The following CHD3 variants were observed in gnomAD, a reference collection of about 807,000 sequenced individuals.
CHD3 encodes ATP-dependent chromatin remodeler CHD3.
CHD3 carries 52 observed loss-of-function variants against 248.9 expected under a neutral mutation model. The observed-to-expected ratio is 0.21, with a 90% CI of 0.17 to 0.26. CHD3 has a LOEUF of 0.26. Ranked by LOEUF, CHD3 falls within the 10% of genes least tolerant of loss-of-function variation. The pLI is 1.00. For synonymous variants in CHD3, 985 were observed against 985.2 expected, an observed-to-expected ratio of 1.00 and a Z score of 0.00; for missense variants, 1,482 against 2,605.8, an observed-to-expected ratio of 0.57 and a Z score of 9.39.
rs772056098 is a variant in CHD3, at chr17:7,909,304, G to A, written c.5556G>A (p.Ala1852=). 7 of 1,561,264 alleles carry A rather than the reference G, an allele frequency of 4.5e-6. No homozygotes were observed. The highest frequency in any genetic ancestry group is 1.2e-5 in the South Asian group (1 of 84,790). The change falls in exon 37 of 40, where the codon GCG becomes GCA. Residue 1852 remains alanine, a synonymous_variant. Coordinates refer to ENST00000330494, the MANE Select transcript of CHD3 (RefSeq NM_001005273.3). The surrounding 1 kb of genome is among the most constrained non-coding windows in gnomAD (Gnocchi z 8.1). ...SHQHLSKESL[A]GNKPANAVLH... ...AGCACCTCTCCAAGGAGTCGCTGGC[G>A]GGGAACAAGCCGGCCAACGCCGTCC...
Position 7,904,302 on chromosome 17 carries a change from AGAAAATGTATGCAGAGCCAC to A in CHD3, c.3895-136_3895-117del. On this transcript the variant is annotated intron_variant, in intron 24 of 39. Coordinates refer to ENST00000330494, the MANE Select transcript of CHD3 (RefSeq NM_001005273.3). This position sits in a 1 kb window ranked among gnomAD's most constrained non-coding sequence, Gnocchi z 4.4. ...ATGGCATGGAACATGCGCAATGTCCAGAAAATGTATGCAGAGCCACGAAGCTGCAGGAGTGGGGAGACCGG... is the reference window on the plus strand; with the variant it reads ...ATGGCATGGAACATGCGCAATGTCCAGAAGCTGCAGGAGTGGGGAGACCGG... The A allele has an allele frequency of 1.3e-6, 1 of 754,166 alleles. No individual in the cohort carries two copies. The highest frequency in any genetic ancestry group is 2.2e-6 in the Non-Finnish European group (1 of 454,852). 46.7% of individuals were successfully genotyped at this position (754,166 alleles called of 1,614,324 possible).
rs375174125 is a variant in CHD3, at chr17:7,894,304, C to T, written c.1075+39C>T. 9 of 1,598,900 alleles carry T rather than the reference C, an allele frequency of 5.6e-6. No homozygotes were observed. In the East Asian group the frequency reaches 1.3e-4, roughly 24 times the overall value. ...ACTGTGTGTGATCCTGTCAGTGGGC[C>T]GTCCTCTCATTCTTATTTTCAATTT... On this transcript the variant is annotated intron_variant, in intron 7 of 39. Coordinates refer to ENST00000330494, the MANE Select transcript of CHD3 (RefSeq NM_001005273.3).
rs763703157 is a variant in CHD3, at chr17:7,900,811, C to T, written c.2979-41C>T. 1.2e-6 allele frequency: 2 copies of T among 1,611,582 alleles called. No homozygotes were observed. Among genetic ancestry groups the T allele is most frequent in the Non-Finnish European group, 1.7e-6 (2 of 1,178,262 alleles). On this transcript the variant is annotated intron_variant, in intron 18 of 39. Coordinates refer to ENST00000330494, the MANE Select transcript of CHD3 (RefSeq NM_001005273.3). This position sits in a 1 kb window ranked among gnomAD's most constrained non-coding sequence, Gnocchi z 6.5. ...CCAAGTGCAATATCATAATTGCTTC[C>T]TTTATTTATGTTTCTTTTACACCCC... is the stretch of plus-strand genomic sequence containing the variant.
chr17:7,908,250 C>T lies in CHD3; in HGVS notation c.5153-152C>T, dbSNP rs951926359. Reference sequence around the variant, plus strand: ...TTAATTCTAACGAACCTGGTTAGAACTGAGTTTGTTCCAAACCTAACCTTT... The same window carrying T: ...TTAATTCTAACGAACCTGGTTAGAATTGAGTTTGTTCCAAACCTAACCTTT... On this transcript the variant is annotated intron_variant, in intron 34 of 39. Coordinates refer to ENST00000330494, the MANE Select transcript of CHD3 (RefSeq NM_001005273.3). The surrounding 1 kb of genome is among the most constrained non-coding windows in gnomAD (Gnocchi z 5.8). 9.4e-5 allele frequency: 77 copies of T among 821,502 alleles called. No individual in the cohort carries two copies. Among genetic ancestry groups the T allele is most frequent in the Admixed American group, 2.8e-4 (10 of 36,328 alleles). 50.9% of individuals were successfully genotyped at this position (821,502 alleles called of 1,614,324 possible). A position where few individuals can be genotyped will look rare whatever the true frequency, so the allele number is the denominator to read the frequency against.
In CHD3 at chr17:7,911,023, A is replaced by G; in HGVS notation, c.5881+50A>G. On this transcript the variant is annotated intron_variant, in intron 39 of 39. Transcript: ENST00000330494. This position sits in a 1 kb window ranked among gnomAD's most constrained non-coding sequence, Gnocchi z 5.4. The stretch of plus-strand genomic sequence containing the variant: ...TGCTACTCACACTCCTCCTTTGCCA[A>G]ACTTTATTTCTGCTCAGCTGCCCTT... 6 of 1,607,198 alleles carry G rather than the reference A, an allele frequency of 3.7e-6. No homozygotes were observed. Among genetic ancestry groups the G allele is most frequent in the Non-Finnish European group, 4.2e-6 (5 of 1,177,974 alleles).
rs966708419 is a variant in CHD3, at chr17:7,889,248, C to A, written c.100+148C>A. 25 of 1,003,960 alleles carry A rather than the reference C, an allele frequency of 2.5e-5. No individual in the cohort carries two copies. Among genetic ancestry groups the A allele is most frequent in the Non-Finnish European group, 3.3e-5 (23 of 687,854 alleles). 62.2% of individuals were successfully genotyped at this position (1,003,960 alleles called of 1,614,324 possible). A position where few individuals can be genotyped will look rare whatever the true frequency, so the allele number is the denominator to read the frequency against. ...AGGGAGCTGCCAGCTTGTGTCTCCC[C>A]ACTCCAAGTGCTGGGGTCAGGCCAG... is the stretch of plus-strand genomic sequence containing the variant. On this transcript the variant is annotated intron_variant, in intron 1 of 39. Transcript: ENST00000330494. The surrounding 1 kb of genome is among the most constrained non-coding windows in gnomAD (Gnocchi z 4.5).
rs749584438 is a variant in CHD3 at position 7,902,950 on chromosome 17, A to G, written c.3384A>G (p.Gln1128=). 20 of 1,613,998 alleles carry G rather than the reference A, an allele frequency of 1.2e-5. No homozygotes were observed. In the South Asian group the frequency reaches 1.9e-4, roughly 15 times the overall value. The change falls in exon 22 of 40, where the codon CAA becomes CAG. Residue 1128 remains glutamine (Q), a synonymous_variant. Coordinates refer to ENST00000330494, the MANE Select transcript of CHD3 (RefSeq NM_001005273.3). The part of the protein sequence containing the change: ...AIDRFNAPGA[Q]QFCFLLSTRA... ...CTCACCTCCTAGCTCCTGGGGCCCA[A>G]CAATTCTGCTTCCTCCTGTCCACCC...
Position 7,895,324 on chromosome 17 carries a change from G to A in CHD3, c.1504-15G>A, listed in dbSNP as rs758401528. On this transcript the variant is annotated splice_polypyrimidine_tract_variant and intron_variant, in intron 9 of 39. Coordinates refer to ENST00000330494, the MANE Select transcript of CHD3 (RefSeq NM_001005273.3). This position sits in a 1 kb window ranked among gnomAD's most constrained non-coding sequence, Gnocchi z 4.9. The stretch of plus-strand genomic sequence containing the variant: ...CCTCTTTCTTTCCTCCTCCTTGTAC[G>A]TGTCCATCCCAAAGTGCCCCGTGCT... 46 of 1,613,348 alleles carry A rather than the reference G, an allele frequency of 2.9e-5. No individual in the cohort carries two copies. The highest frequency in any genetic ancestry group is 1.6e-4 in the Middle Eastern group (1 of 6,078).
rs546196544 is a variant in CHD3 at position 7,907,048 on chromosome 17, A to G, written c.4666+17A>G. The G allele has an allele frequency of 2.9e-4, 462 of 1,613,944 alleles. 2 individuals are homozygous for G. In the South Asian group the frequency reaches 4.9e-3, roughly 17 times the overall value. Reference sequence around the variant, plus strand: ...CTAAACCTGGTAATCAGAAGTCAGGATGGTGGGAGAGACAGAAAGGGAGCC... The same window carrying G: ...CTAAACCTGGTAATCAGAAGTCAGGGTGGTGGGAGAGACAGAAAGGGAGCC... On this transcript the variant is annotated intron_variant, in intron 30 of 39. Coordinates refer to ENST00000330494, the MANE Select transcript of CHD3 (RefSeq NM_001005273.3). This position sits in a 1 kb window ranked among gnomAD's most constrained non-coding sequence, Gnocchi z 4.3.
In CHD3 at chr17:7,891,076, C is replaced by T; in HGVS notation, c.509+12C>T. The T allele has an allele frequency of 6.2e-7, 1 of 1,612,372 alleles. No homozygotes were observed. Among genetic ancestry groups the T allele is most frequent in the African/African-American group, 1.3e-5 (1 of 74,998 alleles). On this transcript the variant is annotated intron_variant, in intron 4 of 39. Transcript: ENST00000330494. ...AGCCAGTTCATGAGGTGCGGTAAGA[C>T]TGGGGAATCCTCGCTAATTGACACT...
In CHD3 at chr17:7,900,193, T is replaced by G. The variant is rs1970142577; in HGVS notation, c.2683-97T>G. On this transcript the variant is annotated intron_variant, in intron 16 of 39. Transcript: ENST00000330494. This position sits in a 1 kb window ranked among gnomAD's most constrained non-coding sequence, Gnocchi z 6.5. ...GAGATTTGGGGCCTCTGATCCTGAG[T>G]GAAATGGGAGCTGGGGCAGGGAAAG... 4 of 1,539,850 alleles carry G rather than the reference T, an allele frequency of 2.6e-6. No individual in the cohort carries two copies. In the African/African-American group the frequency reaches 4.1e-5, roughly 16 times the overall value.
Position 7,900,761 on chromosome 17 carries a change from G to A in CHD3, c.2978+30G>A, listed in dbSNP as rs1389354982. ...GATGCAAGACGAGCTGCCTGGAGTAGGGCTTGGGGATTGATGGGAGCGTTC... is the reference window on the plus strand; with the variant it reads ...GATGCAAGACGAGCTGCCTGGAGTAAGGCTTGGGGATTGATGGGAGCGTTC... On this transcript the variant is annotated intron_variant, in intron 18 of 39. Transcript: ENST00000330494. The surrounding 1 kb of genome is among the most constrained non-coding windows in gnomAD (Gnocchi z 6.5). 2 of 1,609,780 alleles carry A rather than the reference G, an allele frequency of 1.2e-6. No homozygotes were observed. Among genetic ancestry groups the A allele is most frequent in the Non-Finnish European group, 1.7e-6 (2 of 1,176,466 alleles).
Position 7,894,849 on chromosome 17 carries a change from G to A in CHD3, c.1270-68G>A, listed in dbSNP as rs920960590. ...TCTAGGATTCAGGTGTCCTGTCTTT[G>A]CCTGTATCTTCCAGTTTCATTCCTT... On this transcript the variant is annotated intron_variant, in intron 8 of 39. Coordinates refer to ENST00000330494, the MANE Select transcript of CHD3 (RefSeq NM_001005273.3). 4 of 1,585,984 alleles carry A rather than the reference G, an allele frequency of 2.5e-6. No homozygotes were observed. The Admixed American group carries it at 5.1e-5, about 20-fold the overall frequency.
In CHD3 at chr17:7,911,630, C is replaced by T. The variant is rs1449165446; in HGVS notation, c.*45C>T. The stretch of plus-strand genomic sequence containing the variant: ...TTCACCCAGGCCCCGTCCCCGAGGC[C>T]GACCCCCAGCTCAAGCGCTGGGGCC... On this transcript the variant is annotated 3_prime_UTR_variant, in exon 40 of 40. Transcript: ENST00000330494. This position sits in a 1 kb window ranked among gnomAD's most constrained non-coding sequence, Gnocchi z 5.4. 5 of 1,612,522 alleles carry T rather than the reference C, an allele frequency of 3.1e-6. No homozygotes were observed. The highest frequency in any genetic ancestry group is 1.1e-5 in the South Asian group (1 of 90,946).
At chr17:7,890,443 A>T in intron 2 of CHD3, 128 bp from the exon 3 acceptor site, 1 of 645,270 alleles carries the variant, frequency 1.5e-6, no homozygotes, top group Non-Finnish European at 2.5e-6. Flanking sequence ...AAAAAAAAGG[A>T]GATAAAAAAT....
At chr17:7,888,752 T>G, upstream of CHD3, 1 of 1,307,820 alleles carries the variant, frequency 7.6e-7, no homozygotes, top group South Asian at 1.8e-5. Flanking sequence ...GCGCGTGCTT[T>G]TGAGAAGGCA....
chr17:7,899,405 G>C lies in CHD3; in HGVS notation c.2406G>C (p.Arg802=). The C allele has an allele frequency of 6.2e-7, 1 of 1,614,146 alleles. No homozygotes were observed. The highest frequency in any genetic ancestry group is 8.5e-7 in the Non-Finnish European group (1 of 1,180,028). ...TCTCTACCATCATTAACTGGGAGCG[G>C]GAGTTCCAGATGTGGGCACCCAAAT... The part of the protein sequence containing the change: ...APLSTIINWE[R]EFQMWAPKFY... Residue 802 remains arginine (R), a synonymous_variant, in exon 15 of 40, where the codon CGG becomes CGC. Transcript: ENST00000330494. This position sits in a 1 kb window ranked among gnomAD's most constrained non-coding sequence, Gnocchi z 6.8.
chr17:7,893,248 C>T (rs375812198), intron 4 of CHD3, 38 bp from the exon 5 acceptor site: 3 of 1,559,948 alleles, frequency 1.9e-6, no homozygotes, highest in Non-Finnish European at 2.6e-6. Context: ...CCCAGACCAT[C>T]TGTGAAGGGT....
rs1430600278 is a variant in CHD3, at chr17:7,903,125, G to T, written c.3495+64G>T. Reference sequence around the variant, plus strand: ...AAGGAGATGTGGGTTCATGGAGGAGGGTGTCATGTTCCGGGGTCAGAAATA... The same window carrying T: ...AAGGAGATGTGGGTTCATGGAGGAGTGTGTCATGTTCCGGGGTCAGAAATA... On this transcript the variant is annotated intron_variant, in intron 22 of 39. Transcript: ENST00000330494. This position sits in a 1 kb window ranked among gnomAD's most constrained non-coding sequence, Gnocchi z 6.8. 5.7e-6 allele frequency: 9 copies of T among 1,589,386 alleles called. No individual in the cohort carries two copies. Among genetic ancestry groups the T allele is most frequent in the Non-Finnish European group, 6.9e-6 (8 of 1,163,356 alleles).
Sources: gnomAD v4.1 joint callset for allele counts on GRCh38, gnomAD v4.1.1 for gene constraint, Gnocchi (gnomAD v3.1) non-coding constraint, MANE v1.5 for transcripts, NCBI Gene and HGNC (gene_info 2026-07-23, HGNC 2026-07-21) for gene names.